FABP4: variants seen among roughly 807,000 people sequenced by gnomAD.
The protein encoded by FABP4 is fatty acid-binding protein, adipocyte.
In FABP4, 17 loss-of-function variants were observed where a neutral mutation model predicts 14.6. That is an observed-to-expected ratio of 1.16 (90% CI 0.80 to 1.74). The LOEUF (loss-of-function observed/expected upper bound fraction) is 1.74, where lower values mean the gene tolerates loss of function less well. Among genes scored for constraint, FABP4 ranks in the 40% most tolerant of loss-of-function variants. The pLI, the probability that FABP4 is intolerant of heterozygous loss-of-function variation, is 0.00. For synonymous variants in FABP4, 54 were observed against 54.6 expected (o/e 0.99, Z 0.05); for missense variants, 149 against 160.3 (o/e 0.93, Z 0.38).
Position 81,480,361 on chromosome 8 carries a change from A to G in FABP4, c.246+65T>C, listed in dbSNP as rs573313680. 2.1e-6 allele frequency: 3 copies of G among 1,434,874 alleles called. No homozygotes were observed. The South Asian group carries it at 4.3e-5, about 20-fold the overall frequency. 88.9% of individuals were successfully genotyped at this position (1,434,874 alleles called of 1,614,324 possible). ...GTGTTCCTCCTTTTATCATAAAATG[A>G]TTTCTTATAGCAGTGGTGATTTAGA... On this transcript the variant is annotated intron_variant, in intron 2 of 3. Transcript: ENST00000256104.
At chr8:81,480,369 T>C in intron 2 of FABP4, 57 bp downstream of exon 2, 1 of 1,497,426 alleles carries the variant, frequency 6.7e-7, no homozygotes, top group Non-Finnish European at 9.1e-7. Flanking sequence ...TGATTTCTTA[T>C]AGCAGTGGTG....
rs1432304757 is a variant in FABP4 at position 81,483,210 on chromosome 8, C to G, written c.-43G>C. On this transcript the variant is annotated 5_prime_UTR_variant, in exon 1 of 4. Coordinates refer to ENST00000256104, the MANE Select transcript of FABP4 (RefSeq NM_001442.3). The stretch of plus-strand genomic sequence containing the variant: ...ATTATTCTTCAAGGTGAGAAGGAAG[C>G]TGCAGTTTTCAGGAGGGTGCTGTGA... The G allele has an allele frequency of 6.5e-7, 1 of 1,543,616 alleles. No homozygotes were observed. Among genetic ancestry groups the G allele is most frequent in the East Asian group, 2.3e-5 (1 of 44,258 alleles).
rs1450922562 is a variant in FABP4, at chr8:81,479,535, T to C, written c.247-20A>G. 3 of 1,592,078 alleles carry C rather than the reference T, an allele frequency of 1.9e-6. No homozygotes were observed. The highest frequency in any genetic ancestry group is 2.6e-6 in the Non-Finnish European group (3 of 1,161,224). On this transcript the variant is annotated intron_variant, in intron 2 of 3. Coordinates refer to ENST00000256104, the MANE Select transcript of FABP4 (RefSeq NM_001442.3). ...GGTGCTCTGTAGGCATAAGAAAATG[T>C]AATGACAATGTGCAGAGGGAGGCAG...
Position 81,478,665 on chromosome 8 carries a change from C to T in FABP4, c.*200G>A, listed in dbSNP as rs1808008369. 2 of 466,744 alleles carry T rather than the reference C, an allele frequency of 4.3e-6. No homozygotes were observed. The highest frequency in any genetic ancestry group is 9.3e-5 in the South Asian group (2 of 21,538). 28.9% of individuals were successfully genotyped at this position (466,744 alleles called of 1,614,324 possible). ...TATGACTAAGAATACATCATAAGCA[C>T]AATGAATACATCATTACATCACCTT... On this transcript the variant is annotated 3_prime_UTR_variant, in exon 4 of 4. Transcript: ENST00000256104.
At chr8:81,478,948 T>TG (rs112313579) in intron 3 of FABP4, 33 bp from the exon 4 acceptor site, 246,187 of 1,560,928 alleles carry the variant, frequency 0.16, 20,464 homozygotes, top group Middle Eastern at 0.2. Context: ...GGTCAATCAC[T>TG]GGATTAAACC....
chr8:81,481,932 T>C lies in FABP4; in HGVS notation c.73+1163A>G, dbSNP rs528665797. ...GGTGTTTTATTGACTTTAATTATAATCAGCCCTTTATAATTTAAAAACACA... is the reference window on the plus strand; with the variant it reads ...GGTGTTTTATTGACTTTAATTATAACCAGCCCTTTATAATTTAAAAACACA... On this transcript the variant is annotated intron_variant, in intron 1 of 3. Transcript: ENST00000256104. Among the ~76,000 whole-genome samples the C allele has an allele frequency of 2.5e-3, 381 of 152,252 alleles. 2 individuals carry two copies. Among genetic ancestry groups the C allele is most frequent in the Non-Finnish European group, 4.2e-3 (287 of 68,010 alleles).
chr8:81,478,613 G>T lies in FABP4; in HGVS notation c.*252C>A. On this transcript the variant is annotated 3_prime_UTR_variant, in exon 4 of 4. Transcript: ENST00000256104. ...ATTCATATCAGAACAAAGAAATAAT[G>T]CAAATTTCCCATTTCCTTCACTCAG... The T allele has an allele frequency of 2.7e-6, 1 of 369,600 alleles. No homozygotes were observed. Among genetic ancestry groups the T allele is most frequent in the Non-Finnish European group, 4.9e-6 (1 of 204,168 alleles). The allele number at this position is 369,600 out of a possible 1,614,324, so 22.9% of individuals were successfully genotyped here.
intron 1 of FABP4, among the ~76,000 whole-genome samples, chr8:81,480,906 A>G (rs988036867): frequency 3.3e-5 from 5 of 152,188 alleles, no homozygotes; most frequent in African/African-American, 9.6e-5. Context: ...TTTATTTTCA[A>G]CAAAAATATG....
Position 81,478,822 on chromosome 8 carries a change from T to C in FABP4, c.*43A>G, listed in dbSNP as rs777196355. The stretch of plus-strand genomic sequence containing the variant: ...GAACAATATATCCCACAGAATGTTG[T>C]AGAGTTCAATGCGAACTTCAGTCCA... On this transcript the variant is annotated 3_prime_UTR_variant, in exon 4 of 4. Coordinates refer to ENST00000256104, the MANE Select transcript of FABP4 (RefSeq NM_001442.3). 3 of 1,557,174 alleles carry C rather than the reference T, an allele frequency of 1.9e-6. No individual in the cohort carries two copies. The highest frequency in any genetic ancestry group is 2.6e-6 in the Non-Finnish European group (3 of 1,133,918).
chr8:81,480,528 A>G lies in FABP4; in HGVS notation c.144T>C (p.Asp48=), dbSNP rs755892938. 2 of 1,613,884 alleles carry G rather than the reference A, an allele frequency of 1.2e-6. No homozygotes were observed. The highest frequency in any genetic ancestry group is 1.7e-6 in the Non-Finnish European group (2 of 1,179,852). Residue 48 remains aspartate (D), a synonymous_variant, in exon 2 of 4, where the codon GAT becomes GAC. Coordinates refer to ENST00000256104, the MANE Select transcript of FABP4 (RefSeq NM_001442.3). The part of the protein sequence containing the change: ...KPNMIISVNG[D]VITIKSESTF... ...TACTTTCAGATTTAATGGTGATCAC[A>G]TCCCCATTCACACTGATGATCATGT...
At chr8:81,482,164 A>G (rs972714928) in intron 1 of FABP4, among the ~76,000 whole-genome samples, 1 of 152,092 alleles carries the variant, frequency 6.6e-6, no homozygotes, top group Non-Finnish European at 1.5e-5. Flanking sequence ...GACAAGCAAA[A>G]AAATATATAC....
chr8:81,480,025 T>G (rs2129794877), intron 2 of FABP4: 1 of 162,784 alleles, frequency 6.1e-6, no homozygotes, highest in Non-Finnish European at 1.3e-5. Flanking sequence ...CTGGGCAACA[T>G]AGTAAAACTC....
At chr8:81,479,697 A>G in intron 2 of FABP4, 182 bp from the exon 3 acceptor site, 1 of 505,308 alleles carries the variant, frequency 2.0e-6, no homozygotes, top group Non-Finnish European at 3.5e-6. Context: ...TGGATACGTT[A>G]TGTCCAGAGT....
intron 1 of FABP4, among the ~76,000 whole-genome samples, chr8:81,481,740 T>C (rs769787690): frequency 2.0e-5 from 3 of 152,184 alleles, no homozygotes; most frequent in East Asian, 3.8e-4. Context: ...TAACATTAAA[T>C]GTATGAAGTG....
At chr8:81,479,280 T>A in intron 3 of FABP4, 134 bp downstream of exon 3, 3 of 729,982 alleles carry the variant, frequency 4.1e-6, no homozygotes, top group Non-Finnish European at 6.8e-6. Flanking sequence ...AATGCCAGAG[T>A]GGAAGCATAA....
chr8:81,480,456 G>A lies in FABP4; in HGVS notation c.216C>T (p.Asp72=), dbSNP rs377237239. The A allele has an allele frequency of 2.6e-5, 42 of 1,613,408 alleles. No homozygotes were observed. Among genetic ancestry groups the A allele is most frequent in the East Asian group, 4.5e-5 (2 of 44,886 alleles). Residue 72 remains aspartate (D), a synonymous_variant, in exon 2 of 4, where the codon GAC becomes GAT. Transcript: ENST00000256104. ...EISFILGQEF[D]EVTADDRKVK... ...CTTTCCTGTCATCTGCAGTGACTTC[G>A]TCAAATTCCTGGCCCAGTATGAAGG... is the stretch of plus-strand genomic sequence containing the variant.
At chr8:81,482,655 C>G (rs1808097415) in intron 1 of FABP4, among the ~76,000 whole-genome samples, 1 of 152,086 alleles carries the variant, frequency 6.6e-6, no homozygotes, top group Non-Finnish European at 1.5e-5. Flanking sequence ...CATACGGTTA[C>G]TGAAAAAGAA....
intron 1 of FABP4, among the ~76,000 whole-genome samples, chr8:81,481,365 A>G (rs1375052148): frequency 6.6e-6 from 1 of 152,164 alleles, no homozygotes; most frequent in Admixed American, 6.5e-5. Context: ...TTAGTTTAAA[A>G]TAGGTTAGAA....
rs768459792 is a variant in FABP4 at position 81,479,496 on chromosome 8, C to T, written c.266G>A (p.Gly89Glu). The change falls in exon 3 of 4, where the codon GGG becomes GAG. Residue 89 changes from glycine to glutamate, a missense_variant. Coordinates refer to ENST00000256104, the MANE Select transcript of FABP4 (RefSeq NM_001442.3). ...RKVKSTITLDGGVLVHVQKWD... is the reference protein window; with the variant it reads ...RKVKSTITLDEGVLVHVQKWD... The stretch of plus-strand genomic sequence containing the variant: ...TTTCTGCACATGTACCAGGACACCC[C>T]CATCTAAGGTTATGGTGCTCTGTAG... The T allele has an allele frequency of 1.4e-5, 22 of 1,612,956 alleles. No homozygotes were observed. Among genetic ancestry groups the T allele is most frequent in the Non-Finnish European group, 1.7e-5 (20 of 1,179,328 alleles).
Sources: allele counts gnomAD v4.1 joint callset (sites outside exome capture counted in the v4.1 genomes callset), GRCh38; gene constraint gnomAD v4.1.1; transcripts MANE v1.5; gene names NCBI Gene and HGNC (gene_info 2026-07-23, HGNC 2026-07-21).